Variants in TAFA1 observed in about 807,000 individuals in gnomAD.
TAFA1 encodes TAFA chemokine like family member 1, also known as chemokine-like protein TAFA-1.
Under a neutral mutation model 18.5 loss-of-function variants are expected in TAFA1, and 4 were observed. The observed-to-expected ratio is 0.22, with a 90% CI of 0.11 to 0.49. The LOEUF (loss-of-function observed/expected upper bound fraction) is 0.49. TAFA1 is among the 20% of genes least tolerant of loss of function. The probability of loss-of-function intolerance (pLI) is 0.98; values close to 1 mark genes in which losing one functional copy is unlikely to be tolerated. For synonymous variants in TAFA1, 56 were observed against 55.2 expected, an observed-to-expected ratio of 1.01 and a Z score of -0.06; for missense variants, 147 against 169.0, an observed-to-expected ratio of 0.87 and a Z score of 0.72.
chr3:68,232,206 C>T (rs1408899272), intron 2 of TAFA1, among the ~76,000 whole-genome samples: 1 of 152,132 alleles, frequency 6.6e-6, no homozygotes, highest in East Asian at 1.9e-4. Flanking sequence ...CAACCTCTCC[C>T]TATCCTCCTC....
At chr3:68,414,924 A>G (rs1219121481) in intron 2 of TAFA1, among the ~76,000 whole-genome samples, 1 of 152,176 alleles carries the variant, frequency 6.6e-6, no homozygotes, top group African/African-American at 2.4e-5. Flanking sequence ...TGACTTTAAA[A>G]TTAGTGGCAT....
intron 2 of TAFA1, among the ~76,000 whole-genome samples, chr3:68,142,077 C>T (rs1436823788): frequency 1.3e-5 from 2 of 152,038 alleles, no homozygotes; most frequent in South Asian, 2.1e-4. Context: ...TCTAGCTTAG[C>T]GGAGTTACCT....
intron 2 of TAFA1, among the ~76,000 whole-genome samples, chr3:68,317,157 G>A (rs971276700): frequency 7.2e-5 from 11 of 152,116 alleles, no homozygotes; most frequent in African/African-American, 1.7e-4. Context: ...GTTCCAATGC[G>A]TCATTTAAAA....
At chr3:68,351,317 G>C (rs1397518034) in intron 2 of TAFA1, among the ~76,000 whole-genome samples, 2 of 152,156 alleles carry the variant, frequency 1.3e-5, no homozygotes, top group South Asian at 2.1e-4. Context: ...CCTAGGATAG[G>C]TTCTGGAAAT....
chr3:68,311,512 A>G (rs2068515802), intron 2 of TAFA1, among the ~76,000 whole-genome samples: 1 of 152,064 alleles, frequency 6.6e-6, no homozygotes, highest in African/African-American at 2.4e-5. Flanking sequence ...TCCAAATGGG[A>G]GAAATTGGCC....
intron 2 of TAFA1, among the ~76,000 whole-genome samples, chr3:68,292,460 T>C (rs2068127235): frequency 6.6e-6 from 1 of 151,998 alleles, no homozygotes; most frequent in African/African-American, 2.4e-5. Flanking sequence ...AAAAACACTT[T>C]TTAAGATTTT....
intron 2 of TAFA1, among the ~76,000 whole-genome samples, chr3:68,050,140 A>T (rs2064449264): frequency 6.6e-6 from 1 of 152,198 alleles, no homozygotes; most frequent in South Asian, 2.1e-4. Flanking sequence ...ATTCAACTAT[A>T]AATAGTTCCT....
At chr3:68,384,647 T>C (rs1357544391) in intron 2 of TAFA1, among the ~76,000 whole-genome samples, 2 of 152,102 alleles carry the variant, frequency 1.3e-5, no homozygotes, top group Non-Finnish European at 2.9e-5. Flanking sequence ...TTCTGTTGTT[T>C]TGGGGTAGAG....
At chr3:68,142,136 C>T (rs2065674423) in intron 2 of TAFA1, among the ~76,000 whole-genome samples, 2 of 152,196 alleles carry the variant, frequency 1.3e-5, no homozygotes, top group South Asian at 2.1e-4. Context: ...GAGAGATTAT[C>T]TCCAGGGTAG....
At chr3:68,001,673 T>A (rs946355769), upstream of TAFA1, among the ~76,000 whole-genome samples, 1 of 152,022 alleles carries the variant, frequency 6.6e-6, no homozygotes, top group African/African-American at 2.4e-5. Context: ...CTGATGTGTA[T>A]AATGCTCTCC....
rs1236076652 is a variant in TAFA1 at position 68,226,333 on chromosome 3, A to G, written c.119-190947A>G. On this transcript the variant is annotated intron_variant, in intron 2 of 4. Coordinates refer to ENST00000478136, the MANE Select transcript of TAFA1 (RefSeq NM_213609.4). ...GGAGAGAAACAACCATATTATCACA[A>G]TCATAGGTTTTCCACCACTGTGCTT... is the stretch of plus-strand genomic sequence containing the variant. Among the ~76,000 whole-genome samples, 3 of 152,342 alleles carry G rather than the reference A, an allele frequency of 2.0e-5. No homozygotes were observed. In the South Asian group the frequency reaches 6.2e-4, roughly 32 times the overall value.
At chr3:68,175,566 G>A (rs2066113176) in intron 2 of TAFA1, among the ~76,000 whole-genome samples, 1 of 152,182 alleles carries the variant, frequency 6.6e-6, no homozygotes, top group African/African-American at 2.4e-5. Flanking sequence ...CATGGGGCCT[G>A]TAGCCTCTTT....
chr3:68,175,828 G>T (rs763615596), intron 2 of TAFA1, among the ~76,000 whole-genome samples: 10 of 152,096 alleles, frequency 6.6e-5, no homozygotes, highest in Non-Finnish European at 1.3e-4. Context: ...AGGGGCCAGG[G>T]GTGGAATGAT....
chr3:68,477,707 A>C (rs947428661), intron 3 of TAFA1, among the ~76,000 whole-genome samples: 4 of 152,144 alleles, frequency 2.6e-5, no homozygotes, highest in African/African-American at 9.7e-5. Flanking sequence ...TTTGGCAAAC[A>C]TATATAAATA....
chr3:68,022,976 T>C (rs891084292), intron 2 of TAFA1, among the ~76,000 whole-genome samples: 2 of 149,314 alleles, frequency 1.3e-5, no homozygotes, highest in African/African-American at 4.9e-5. Context: ...GTTTTTTTTT[T>C]TTTTTTTACT....
intron 2 of TAFA1, among the ~76,000 whole-genome samples, chr3:68,029,694 C>T (rs991136980): frequency 9.2e-5 from 14 of 152,152 alleles, no homozygotes; most frequent in African/African-American, 2.2e-4. Context: ...CATAAAGTAG[C>T]GGATGTACTC....
At chr3:68,184,982 T>C (rs1468605167) in intron 2 of TAFA1, among the ~76,000 whole-genome samples, 3 of 152,138 alleles carry the variant, frequency 2.0e-5, no homozygotes, top group African/African-American at 7.2e-5. Flanking sequence ...AAATGCTGTT[T>C]TTCTTCATTC....
rs1404315925 is a variant in TAFA1 at position 68,427,135 on chromosome 3, A to G, written c.259+9715A>G. 2.0e-5 allele frequency among the ~76,000 whole-genome samples: 3 copies of G among 151,822 alleles called. No homozygotes were observed. The East Asian group carries it at 5.8e-4, about 29-fold the overall frequency. ...AACTGCCATAAACTTGTTTACACAT[A>G]ACCTCAAATTCACAAAGAAATTTCC... On this transcript the variant is annotated intron_variant, in intron 3 of 4. Transcript: ENST00000478136.
chr3:68,363,789 A>C (rs1337146053), intron 2 of TAFA1, among the ~76,000 whole-genome samples: 1 of 152,194 alleles, frequency 6.6e-6, no homozygotes, highest in East Asian at 1.9e-4. Context: ...ATATATCCAA[A>C]AAGAAAGGCA....
Sources: gnomAD v4.1 joint callset for allele counts (sites outside exome capture counted in the v4.1 genomes callset) on GRCh38, gnomAD v4.1.1 for gene constraint, MANE v1.5 for transcripts, NCBI Gene and HGNC (gene_info 2026-07-23, HGNC 2026-07-21) for gene names.